The following SRGAP2C variants were observed in gnomAD, a reference collection of about 807,000 sequenced individuals.
SRGAP2C encodes SLIT-ROBO Rho GTPase activating protein 2C.
In SRGAP2C, 15 loss-of-function variants were observed where a neutral mutation model predicts 25.1. The ratio of observed to expected loss-of-function variants is 0.60; its 90% CI spans 0.40 to 0.92. The LOEUF is 0.92. Among genes scored for constraint, SRGAP2C ranks in the 40% least tolerant of loss-of-function variants. The pLI is 0.00. For synonymous variants in SRGAP2C, 44 were observed against 96.6 expected (o/e 0.46, Z 3.19); for missense variants, 144 against 264.4 (o/e 0.54, Z 3.16).
At chr1:121,236,694 C>G (rs1279066046) in intron 2 of SRGAP2C, among the ~76,000 whole-genome samples, 1 of 151,034 alleles carries the variant, frequency 6.6e-6, no homozygotes, top group Non-Finnish European at 1.5e-5. Flanking sequence ...TGGCCTGTCT[C>G]GTCAGGTTGG....
rs587732188 is a variant in SRGAP2C at position 121,260,484 on chromosome 1, G to T, written c.68-24319G>T. Reference sequence around the variant, plus strand: ...AGAGGTTTTTAGGAGGAAGGGAGGAGATGCCTGATTACATCATACCATGAT... The same window carrying T: ...AGAGGTTTTTAGGAGGAAGGGAGGATATGCCTGATTACATCATACCATGAT... On this transcript the variant is annotated intron_variant, in intron 2 of 9. Transcript: ENST00000367123. Among the ~76,000 whole-genome samples the T allele has an allele frequency of 5.3e-5, 8 of 151,828 alleles. 1 individual carries two copies. The East Asian group carries it at 9.7e-4, about 18-fold the overall frequency.
intron 3 of SRGAP2C, among the ~76,000 whole-genome samples, chr1:121,295,158 AC>A (rs1264837023): frequency 2.7e-5 from 3 of 111,050 alleles, no homozygotes; most frequent in African/African-American, 1.0e-4. Flanking sequence ...AGAACAAAGC[AC>A]TTTTGAGGTA....
chr1:121,321,052 A>G (rs1658193659), intron 3 of SRGAP2C, among the ~76,000 whole-genome samples: 1 of 151,534 alleles, frequency 6.6e-6, no homozygotes, highest in Admixed American at 6.6e-5. Flanking sequence ...AGCTACATGT[A>G]TTCTAATTAA....
Position 121,378,942 on chromosome 1 carries a change from G to T in SRGAP2C, c.832-3759G>T, listed in dbSNP as rs199859907. Among the ~76,000 whole-genome samples, 583 of 152,264 alleles carry T rather than the reference G, an allele frequency of 3.8e-3. 5 individuals carry two copies. The highest frequency in any genetic ancestry group is 0.013 in the African/African-American group (537 of 41,546). On this transcript the variant is annotated intron_variant, in intron 7 of 9. Transcript: ENST00000367123. ...AACCTTGACTTCAGGCCAAAAAGAC[G>T]TTCTGAGCTCATTTGATGGCATCTA...
At chr1:121,289,167 C>T (rs1339464934) in intron 3 of SRGAP2C, among the ~76,000 whole-genome samples, 6 of 148,886 alleles carry the variant, frequency 4.0e-5, no homozygotes, top group African/African-American at 1.2e-4. Flanking sequence ...TGGTGCTCGT[C>T]GGGGAGGCTC....
rs1553352727 is a variant in SRGAP2C, at chr1:121,374,937, C to T, written c.814C>T (p.Leu272=). ...ASVFKYYIHD[L]SDLIDQCCDL... ...TGTCTTCAAGTACTACATCCATGAC[C>T]TATCTGACCTTATTGATGTAAGTGC... The change falls in exon 7 of 10, where the codon CTA becomes TTA. Residue 272 remains leucine, a synonymous_variant. Coordinates refer to ENST00000367123, the MANE Select transcript of SRGAP2C (RefSeq NM_001329984.2). 2 of 777,660 alleles carry T rather than the reference C, an allele frequency of 2.6e-6. No homozygotes were observed. Among genetic ancestry groups the T allele is most frequent in the Admixed American group, 3.4e-5 (2 of 58,556 alleles). The allele number at this position is 777,660 out of a possible 1,614,324, so 48.2% of individuals were successfully genotyped here.
intron 2 of SRGAP2C, among the ~76,000 whole-genome samples, chr1:121,265,042 C>G (rs1656736235): frequency 1.3e-5 from 1 of 77,688 alleles, no homozygotes; most frequent in African/African-American, 5.3e-5. Context: ...ACTAAAAATA[C>G]AAAAATTAGC....
intron 2 of SRGAP2C, among the ~76,000 whole-genome samples, chr1:121,200,468 G>A: frequency 1.1e-5 from 1 of 90,436 alleles, no homozygotes; most frequent in African/African-American, 4.4e-5. Context: ...AGACATCTGG[G>A]TTGTTCGGGA....
intron 5 of SRGAP2C, among the ~76,000 whole-genome samples, chr1:121,368,596 G>A (rs1384254421): frequency 6.6e-6 from 1 of 151,876 alleles, no homozygotes; most frequent in Non-Finnish European, 1.5e-5. Flanking sequence ...GGTTAAAAAG[G>A]GTTAATTGGT....
intron 2 of SRGAP2C, among the ~76,000 whole-genome samples, chr1:121,198,321 A>G (rs1328552200): frequency 6.8e-6 from 1 of 146,772 alleles, no homozygotes; most frequent in African/African-American, 2.5e-5. Context: ...TCTTAACCAT[A>G]TCTTCTAAAT....
At chr1:121,217,132 G>T (rs1158084025) in intron 2 of SRGAP2C, among the ~76,000 whole-genome samples, 1 of 151,782 alleles carries the variant, frequency 6.6e-6, no homozygotes, top group Middle Eastern at 3.2e-3. Context: ...ATAGAGTTTG[G>T]GAAAGAGAGG....
At chr1:121,374,318 A>C (rs1377960991) in intron 6 of SRGAP2C, 132 bp downstream of exon 6, 17 of 579,488 alleles carry the variant, frequency 2.9e-5, no homozygotes, top group Non-Finnish European at 4.7e-5. Flanking sequence ...TAATGACTGA[A>C]AATGAGGCCT....
chr1:121,263,444 A>C (rs1378427163), intron 2 of SRGAP2C, among the ~76,000 whole-genome samples: 6 of 151,026 alleles, frequency 4.0e-5, no homozygotes, highest in African/African-American at 9.7e-5. Flanking sequence ...AAAAAAAAAA[A>C]AAAAAACTTC....
At chr1:121,335,796 T>G (rs1658502721) in intron 4 of SRGAP2C, among the ~76,000 whole-genome samples, 2 of 150,654 alleles carry the variant, frequency 1.3e-5, no homozygotes, top group African/African-American at 2.4e-5. Flanking sequence ...ACATTATCTG[T>G]GGGTCTGTTT....
At chr1:121,332,601 A>G (rs1387877443) in intron 4 of SRGAP2C, among the ~76,000 whole-genome samples, 6 of 151,554 alleles carry the variant, frequency 4.0e-5, no homozygotes, top group Non-Finnish European at 8.8e-5. Flanking sequence ...CAGTCACAAG[A>G]GAATTGCCAC....
chr1:121,312,593 T>G (rs1227535386), intron 3 of SRGAP2C, among the ~76,000 whole-genome samples: 8 of 119,496 alleles, frequency 6.7e-5, no homozygotes, highest in Non-Finnish European at 1.4e-4. Flanking sequence ...CACACTGCTT[T>G]GAATGCGTCC....
At chr1:121,306,876 A>G (rs1391083630) in intron 3 of SRGAP2C, among the ~76,000 whole-genome samples, 5 of 152,186 alleles carry the variant, frequency 3.3e-5, no homozygotes, top group Non-Finnish European at 7.4e-5. Flanking sequence ...ATACTTATAT[A>G]CACATAAATA....
At chr1:121,263,530 T>C (rs587688772) in intron 2 of SRGAP2C, among the ~76,000 whole-genome samples, 1 of 151,774 alleles carries the variant, frequency 6.6e-6, no homozygotes, top group East Asian at 1.9e-4. Context: ...TAATAACTTT[T>C]TGAGACATGT....
rs587627409 is a variant in SRGAP2C, at chr1:121,360,812, C to T, written c.424-4481C>T. 2.5e-4 allele frequency: 37 copies of T among 149,286 alleles called. No homozygotes were observed. The East Asian group carries it at 7.3e-3, about 30-fold the overall frequency. 9.2% of individuals were successfully genotyped at this position (149,286 alleles called of 1,614,324 possible). ...CCAGAGCTTAATACAGGGTCATGTT[C>T]CTTTCCTCTGAAATCTGTAACATAA... is the stretch of plus-strand genomic sequence containing the variant. On this transcript the variant is annotated intron_variant, in intron 4 of 9. Transcript: ENST00000367123.
Sources: gnomAD v4.1 joint callset for allele counts (sites outside exome capture counted in the v4.1 genomes callset) on GRCh38, gnomAD v4.1.1 for gene constraint, MANE v1.5 for transcripts, NCBI Gene and HGNC (gene_info 2026-07-23, HGNC 2026-07-21) for gene names.